RIMS1: variants seen among roughly 807,000 people sequenced by gnomAD.
RIMS1 encodes regulating synaptic membrane exocytosis 1.
RIMS1 carries 83 observed loss-of-function variants against 214.1 expected under a neutral mutation model. The ratio of observed to expected loss-of-function variants is 0.39; its 90% CI spans 0.32 to 0.47. RIMS1 has a LOEUF of 0.47. Ranked by LOEUF, RIMS1 falls within the 20% of genes least tolerant of loss-of-function variation. The pLI is 0.99. For synonymous variants in RIMS1, 793 were observed against 786.8 expected (o/e 1.01, Z -0.13); for missense variants, 2,050 against 2,161.8 (o/e 0.95, Z 1.03).
chr6:72,064,922 GC>G, intron 2 of RIMS1, among the ~76,000 whole-genome samples: 1 of 152,258 alleles, frequency 6.6e-6, no homozygotes, highest in South Asian at 2.1e-4. Context: ...GCATGCGTTT[GC>G]TGTAACAGGC....
rs9442733 is a variant in RIMS1 at position 72,082,151 on chromosome 6, A to C, written c.246-14798A>C. 8.8e-3 allele frequency among the ~76,000 whole-genome samples: 1,345 copies of C among 152,258 alleles called. 24 individuals carry two copies. Among genetic ancestry groups the C allele is most frequent in the African/African-American group, 0.031 (1,297 of 41,548 alleles). ...ATTCAACTTAAGCTTTACAAATAGA[A>C]TATTTGATGGCACTGCTTTTAAGAA... On this transcript the variant is annotated intron_variant, in intron 2 of 33. Transcript: ENST00000521978.
chr6:72,251,779 C>T (rs564675366), intron 15 of RIMS1, among the ~76,000 whole-genome samples: 16 of 152,098 alleles, frequency 1.1e-4, no homozygotes, highest in South Asian at 2.1e-4. Context: ...GGCGTGATCT[C>T]GGCTCACTGC....
chr6:71,965,106 A>G (rs1794081327), intron 1 of RIMS1, among the ~76,000 whole-genome samples: 1 of 152,210 alleles, frequency 6.6e-6, no homozygotes, highest in Non-Finnish European at 1.5e-5. Context: ...TATTTCCCCA[A>G]CACTATTTGG....
At position 72,274,519 on chromosome 6, in the gene RIMS1, A is replaced by G. The variant is rs943829020; in HGVS notation, c.3482+87A>G. On this transcript the variant is annotated intron_variant, in intron 23 of 33. Coordinates refer to ENST00000521978, the MANE Select transcript of RIMS1 (RefSeq NM_014989.7). The stretch of plus-strand genomic sequence containing the variant: ...AGGATAACCAAGAGAAAAGTTGAAT[A>G]TGATGTACTTTATTCCAGGAGCCAG... 20 of 1,007,796 alleles carry G rather than the reference A, an allele frequency of 2.0e-5. No homozygotes were observed. In the African/African-American group the frequency reaches 2.2e-4, roughly 11 times the overall value. The allele number at this position is 1,007,796 out of a possible 1,614,324, so 62.4% of individuals were successfully genotyped here. A position where few individuals can be genotyped will look rare whatever the true frequency, so the allele number is the denominator to read the frequency against.
chr6:72,340,613 G>A (rs985439300), intron 29 of RIMS1, among the ~76,000 whole-genome samples: 89 of 151,686 alleles, frequency 5.9e-4, no homozygotes, highest in African/African-American at 2.0e-3. Context: ...GGCATTATGC[G>A]AGGGCTCTGT....
chr6:72,219,694 A>G (rs2057718449), intron 6 of RIMS1, among the ~76,000 whole-genome samples: 1 of 151,100 alleles, frequency 6.6e-6, no homozygotes, highest in Non-Finnish European at 1.5e-5. Flanking sequence ...TGTTTTTGTT[A>G]CAAGAGGCTG....
chr6:72,044,232 T>G (rs1169524253), intron 2 of RIMS1, among the ~76,000 whole-genome samples: 1 of 151,624 alleles, frequency 6.6e-6, no homozygotes, highest in Non-Finnish European at 1.5e-5. Context: ...ATATAAAAAT[T>G]AACTCAAAAT....
chr6:72,338,005 G>T (rs1482789461), intron 29 of RIMS1, among the ~76,000 whole-genome samples: 1 of 151,570 alleles, frequency 6.6e-6, no homozygotes, highest in African/African-American at 2.4e-5. Flanking sequence ...GGACATTTAG[G>T]TTGGTTCCAA....
At chr6:72,014,472 A>G (rs572820924) in intron 2 of RIMS1, among the ~76,000 whole-genome samples, 3 of 152,220 alleles carry the variant, frequency 2.0e-5, no homozygotes, top group Non-Finnish European at 2.9e-5. Flanking sequence ...ATAATATTCC[A>G]TTGTATGGAT....
At chr6:72,048,475 T>C (rs1385851881) in intron 2 of RIMS1, among the ~76,000 whole-genome samples, 1 of 152,016 alleles carries the variant, frequency 6.6e-6, no homozygotes, top group Non-Finnish European at 1.5e-5. Flanking sequence ...TCAGAAAAAA[T>C]GTGGACTAAA....
At chr6:71,929,318 AG>A (rs1236042797) in intron 1 of RIMS1, among the ~76,000 whole-genome samples, 3 of 152,160 alleles carry the variant, frequency 2.0e-5, no homozygotes, top group Non-Finnish European at 2.9e-5. Context: ...AGAAGGTAGA[AG>A]GTAATCAGAG....
At chr6:72,163,846 A>C (rs1312882233) in intron 4 of RIMS1, among the ~76,000 whole-genome samples, 3 of 151,540 alleles carry the variant, frequency 2.0e-5, no homozygotes, top group African/African-American at 7.3e-5. Flanking sequence ...TCAGGGACCC[A>C]CTTGAGGATG....
intron 2 of RIMS1, among the ~76,000 whole-genome samples, chr6:71,974,295 TTGTG>T (rs1461880936): frequency 7.9e-5 from 12 of 151,824 alleles, no homozygotes; most frequent in Non-Finnish European, 1.5e-4. Flanking sequence ...GGGTGGGAAT[TTGTG>T]TGTGGGCATG....
At chr6:72,024,899 G>GTTTT (rs1815884327) in intron 2 of RIMS1, among the ~76,000 whole-genome samples, 1 of 103,864 alleles carries the variant, frequency 9.6e-6, no homozygotes, top group Non-Finnish European at 2.2e-5. Context: ...AAAATCTGTG[G>GTTTT]GTTTTTTTTT....
chr6:72,031,633 C>T lies in RIMS1; in HGVS notation c.245+62570C>T, dbSNP rs188811556. Among the ~76,000 whole-genome samples the T allele has an allele frequency of 1.3e-4, 20 of 152,194 alleles. 1 individual carries two copies. The East Asian group carries it at 2.5e-3, about 19-fold the overall frequency. Reference sequence around the variant, plus strand: ...TCAGAAAGCAATAAAAACAAACCTACGGCATTATGGTCCAGCTTCTGAAGT... The same window carrying T: ...TCAGAAAGCAATAAAAACAAACCTATGGCATTATGGTCCAGCTTCTGAAGT... On this transcript the variant is annotated intron_variant, in intron 2 of 33. Transcript: ENST00000521978.
chr6:72,237,240 G>A (rs1200103435), intron 8 of RIMS1, among the ~76,000 whole-genome samples: 8 of 149,844 alleles, frequency 5.3e-5, no homozygotes, highest in African/African-American at 2.0e-4. Flanking sequence ...AAAAAAAAAA[G>A]GAAGGAAGGA....
intron 4 of RIMS1, among the ~76,000 whole-genome samples, chr6:72,167,664 T>G (rs1025413236): frequency 1.3e-5 from 2 of 152,100 alleles, no homozygotes; most frequent in African/African-American, 2.4e-5. Context: ...TGCGTCAGTT[T>G]TGGTAGTTTG....
At chr6:71,936,353 GA>G (rs1339047072) in intron 1 of RIMS1, among the ~76,000 whole-genome samples, 9 of 97,020 alleles carry the variant, frequency 9.3e-5, no homozygotes, top group Non-Finnish European at 2.0e-4. Flanking sequence ...AAAAAAAAAA[GA>G]AAAGAAAAGG....
intron 27 of RIMS1, 88 bp downstream of exon 27, chr6:72,307,458 T>G: frequency 1.2e-6 from 1 of 821,786 alleles, no homozygotes; most frequent in Non-Finnish European, 1.9e-6. Context: ...CCGAATTATA[T>G]AAGAGAAGTT....
Sources: gnomAD v4.1 joint callset for allele counts (sites outside exome capture counted in the v4.1 genomes callset) on GRCh38, gnomAD v4.1.1 for gene constraint, MANE v1.5 for transcripts, NCBI Gene and HGNC (gene_info 2026-07-23, HGNC 2026-07-21) for gene names.